CNTN6: variants seen among roughly 807,000 people sequenced by gnomAD.
CNTN6 encodes contactin-6.
In CNTN6, 137 loss-of-function variants were observed where a neutral mutation model predicts 122.8. That is an observed-to-expected ratio of 1.12 (90% CI 0.97 to 1.29). The LOEUF is 1.29. Among genes scored for constraint, CNTN6 ranks in the 50% most tolerant of loss-of-function variants. The pLI is 0.00. For synonymous variants in CNTN6, 570 were observed against 426.0 expected, an observed-to-expected ratio of 1.34 and a Z score of -4.16; for missense variants, 1,634 against 1,223.4, an observed-to-expected ratio of 1.34 and a Z score of -5.01.
chr3:1,262,969 G>A (rs1307613594), intron 4 of CNTN6, among the ~76,000 whole-genome samples: 18 of 151,744 alleles, frequency 1.2e-4, no homozygotes, highest in Non-Finnish European at 2.1e-4. Context: ...TCTACATATC[G>A]TTTAAATCAA....
chr3:1,200,871 T>C (rs2093853943), intron 2 of CNTN6, among the ~76,000 whole-genome samples: 1 of 152,112 alleles, frequency 6.6e-6, no homozygotes, highest in African/African-American at 2.4e-5. Context: ...TCAGGGCATA[T>C]GCATTTACTT....
intron 20 of CNTN6, among the ~76,000 whole-genome samples, chr3:1,399,069 T>G (rs1267507555): frequency 6.6e-6 from 1 of 152,128 alleles, no homozygotes; most frequent in African/African-American, 2.4e-5. Flanking sequence ...AAAACAATAC[T>G]TTTTCCTAAA....
chr3:1,276,082 A>C (rs1692299995), intron 4 of CNTN6, among the ~76,000 whole-genome samples: 3 of 152,234 alleles, frequency 2.0e-5, no homozygotes, highest in African/African-American at 7.2e-5. Context: ...TAAAAAAACT[A>C]CAATGTGTAA....
At chr3:1,274,121 A>G (rs1397722679) in intron 4 of CNTN6, among the ~76,000 whole-genome samples, 2 of 152,178 alleles carry the variant, frequency 1.3e-5, no homozygotes, top group African/African-American at 4.8e-5. Context: ...GTCACCTATG[A>G]TGATTATTAC....
intron 1 of CNTN6, among the ~76,000 whole-genome samples, chr3:1,133,660 A>G (rs2125109256): frequency 6.6e-6 from 1 of 152,254 alleles, no homozygotes; most frequent in South Asian, 2.1e-4. Flanking sequence ...CCATTTTCCT[A>G]CAGACATGGG....
At chr3:1,115,483 C>T (rs1035506031) in intron 1 of CNTN6, among the ~76,000 whole-genome samples, 3 of 152,292 alleles carry the variant, frequency 2.0e-5, no homozygotes, top group Admixed American at 2.0e-4. Flanking sequence ...GGTACGGTGG[C>T]TCATGCCTGT....
chr3:1,384,758 TACATATATATAC>T (rs1178492166), intron 19 of CNTN6, among the ~76,000 whole-genome samples: 2 of 136,066 alleles, frequency 1.5e-5, no homozygotes, highest in Non-Finnish European at 3.1e-5. Context: ...CACATATATA[TACATATATATAC>T]ACATATATAT....
intron 12 of CNTN6, among the ~76,000 whole-genome samples, chr3:1,363,297 TG>T (rs1400277253): frequency 6.6e-6 from 1 of 151,736 alleles, no homozygotes; most frequent in Non-Finnish European, 1.5e-5. Context: ...ACAGTATTTA[TG>T]ATACAGTATA....
chr3:1,175,373 A>C (rs1401592901), intron 2 of CNTN6, among the ~76,000 whole-genome samples: 1 of 152,120 alleles, frequency 6.6e-6, no homozygotes, highest in Non-Finnish European at 1.5e-5. Context: ...GATACAGTGG[A>C]GAAGAGGCAT....
intron 2 of CNTN6, among the ~76,000 whole-genome samples, chr3:1,206,128 T>C (rs570291016): frequency 6.6e-6 from 1 of 152,158 alleles, no homozygotes; most frequent in Non-Finnish European, 1.5e-5. Context: ...CATGTCCATA[T>C]TGAAATTTTC....
chr3:1,236,909 T>A (rs1459190109), intron 4 of CNTN6, among the ~76,000 whole-genome samples: 1 of 151,904 alleles, frequency 6.6e-6, no homozygotes, highest in Non-Finnish European at 1.5e-5. Flanking sequence ...TGAAACCCTG[T>A]CTCTACTAAA....
At chr3:1,219,258 T>C (rs922413680) in intron 2 of CNTN6, among the ~76,000 whole-genome samples, 2 of 152,202 alleles carry the variant, frequency 1.3e-5, no homozygotes, top group African/African-American at 4.8e-5. Context: ...TTATTTAACT[T>C]CAAGAGCAAT....
chr3:1,308,071 C>T (rs886224092), intron 7 of CNTN6, among the ~76,000 whole-genome samples: 1 of 152,126 alleles, frequency 6.6e-6, no homozygotes, highest in Non-Finnish European at 1.5e-5. Flanking sequence ...TAGAATTCTT[C>T]TACCTGTGAA....
intron 4 of CNTN6, among the ~76,000 whole-genome samples, chr3:1,258,262 T>C (rs1028455508): frequency 2.0e-5 from 3 of 152,150 alleles, no homozygotes; most frequent in African/African-American, 7.2e-5. Context: ...CTACTTTCAT[T>C]GTAGCAGTAT....
In CNTN6 at chr3:1,294,075, C is replaced by T. The variant is rs558610413; in HGVS notation, c.455-1526C>T. Among the ~76,000 whole-genome samples the T allele has an allele frequency of 1.4e-4, 21 of 152,234 alleles. No homozygotes were observed. In the South Asian group the frequency reaches 4.1e-3, roughly 30 times the overall value. On this transcript the variant is annotated intron_variant, in intron 5 of 22. Coordinates refer to ENST00000446702, the MANE Select transcript of CNTN6 (RefSeq NM_001289080.2). The stretch of plus-strand genomic sequence containing the variant: ...GTCATTTCTTATAAAGTTACACTTA[C>T]ATCTACATTATGGCTTACTCCTAGG...
In CNTN6 at chr3:1,325,868, A is replaced by C; in HGVS notation, c.1000A>C (p.Asn334His). 1 of 1,612,034 alleles carries C rather than the reference A, an allele frequency of 6.2e-7. No homozygotes were observed. Among genetic ancestry groups the C allele is most frequent in the Middle Eastern group, 1.7e-4 (1 of 6,040 alleles). The change falls in exon 9 of 23, where the codon AAC becomes CAC. Residue 334 changes from asparagine to histidine, a missense_variant. Asn to His is a moderately conservative substitution (Grantham distance 68). Transcript: ENST00000446702. ...AAATACACACCTCTCTATCTATGAC[A>C]ACTTGCTCTGGGAATGTAAAGCTAG... Reference protein sequence around the residue: ...IQNTHLSIYDNLLWECKASGK... With the variant: ...IQNTHLSIYDHLLWECKASGK...
At chr3:1,300,120 G>A (rs1696945123) in intron 7 of CNTN6, among the ~76,000 whole-genome samples, 3 of 151,948 alleles carry the variant, frequency 2.0e-5, no homozygotes, top group African/African-American at 7.3e-5. Context: ...GGGACTACAG[G>A]TGCCCGCCAC....
intron 20 of CNTN6, among the ~76,000 whole-genome samples, chr3:1,397,187 T>C (rs377662729): frequency 6.6e-6 from 1 of 152,098 alleles, no homozygotes; most frequent in Non-Finnish European, 1.5e-5. Flanking sequence ...CAACCGGCAA[T>C]TTCTCTTTTA....
At chr3:1,296,875 C>CT (rs1293795507) in intron 6 of CNTN6, among the ~76,000 whole-genome samples, 1 of 152,046 alleles carries the variant, frequency 6.6e-6, no homozygotes, top group African/African-American at 2.4e-5. Context: ...CCTGTCTACT[C>CT]TGAGTTTCTG....
Sources: gnomAD v4.1 joint callset for allele counts (sites outside exome capture counted in the v4.1 genomes callset) on GRCh38, gnomAD v4.1.1 for gene constraint, MANE v1.5 for transcripts, NCBI Gene and HGNC (gene_info 2026-07-23, HGNC 2026-07-21) for gene names.